Variants in PSEN2 observed in about 807,000 individuals in gnomAD.
The protein encoded by PSEN2 is presenilin-2.
In PSEN2, 32 loss-of-function variants were observed where a neutral mutation model predicts 49.1. The observed-to-expected ratio is 0.65, with a 90% CI of 0.49 to 0.88. The LOEUF is 0.88. Ranked by LOEUF, PSEN2 falls within the 40% of genes least tolerant of loss-of-function variation. The pLI is 0.00. For synonymous variants in PSEN2, 255 were observed against 244.0 expected (o/e 1.05, Z -0.42); for missense variants, 522 against 586.9 (o/e 0.89, Z 1.14).
intron 4 of PSEN2, 70 bp from the exon 5 acceptor site, chr1:226,883,619 CATTTCTGGTTCCAAAA>C: frequency 7.8e-7 from 1 of 1,290,040 alleles, no homozygotes; most frequent in Non-Finnish European, 1.1e-6. Flanking sequence ...TCAAACTTCT[CATTTCTGGTTCCAAAA>C]ATCCGTGCAT....
chr1:226,895,576 C>G lies in PSEN2; in HGVS notation c.1344C>G (p.Ile448Met). ...MDTLASHQLYI is the reference protein window; with the variant it reads ...MDTLASHQLYM ...CCCTGGCCTCCCATCAGCTCTACAT[C>G]TGAGGGACATGGTGTGCCACAGGCT... Residue 448 changes from isoleucine (I) to methionine (M), a missense_variant, in exon 13 of 13, where the codon ATC (isoleucine) becomes ATG (methionine). Transcript: ENST00000366783. 1 of 1,611,458 alleles carries G rather than the reference C, an allele frequency of 6.2e-7. No homozygotes were observed. Among genetic ancestry groups the G allele is most frequent in the Non-Finnish European group, 8.5e-7 (1 of 1,178,804 alleles).
chr1:226,874,214 G>A (rs1571933942), intron 2 of PSEN2, among the ~76,000 whole-genome samples: 1 of 151,912 alleles, frequency 6.6e-6, no homozygotes, highest in Admixed American at 6.6e-5. Flanking sequence ...TGTGTGGTGG[G>A]CCTGCCTGTG....
intron 4 of PSEN2, among the ~76,000 whole-genome samples, 156 bp from the exon 5 acceptor site, chr1:226,883,549 A>G (rs1423223308): frequency 6.6e-6 from 1 of 152,234 alleles, no homozygotes; most frequent in Non-Finnish European, 1.5e-5. Context: ...CTTTGTCCTC[A>G]CAAACTTTTC....
intron 8 of PSEN2, 56 bp from the exon 9 acceptor site, chr1:226,889,979 T>A (rs926401641): frequency 1.4e-6 from 2 of 1,413,754 alleles, no homozygotes; most frequent in Non-Finnish European, 2.0e-6. Context: ...CAGGGCAGGC[T>A]CTTCTTCAGG....
downstream of PSEN2, among the ~76,000 whole-genome samples, chr1:226,896,376 G>A (rs752119570): frequency 6.6e-6 from 1 of 152,212 alleles, no homozygotes; most frequent in Non-Finnish European, 1.5e-5. Context: ...CACAGACACT[G>A]CCAGGTGGTT....
At chr1:226,874,624 C>G (rs1462278538) in intron 2 of PSEN2, among the ~76,000 whole-genome samples, 1 of 152,214 alleles carries the variant, frequency 6.6e-6, no homozygotes, top group Non-Finnish European at 1.5e-5. Flanking sequence ...GCTACCGTGT[C>G]CTTTCTCACT....
At chr1:226,900,568 A>G (rs1233585861), downstream of PSEN2, among the ~76,000 whole-genome samples, 2 of 152,186 alleles carry the variant, frequency 1.3e-5, no homozygotes, top group African/African-American at 4.8e-5. Context: ...TCTTTCAGCT[A>G]CTTGAGAAAG....
chr1:226,877,853 G>A (rs1221953855), intron 3 of PSEN2, among the ~76,000 whole-genome samples: 1 of 152,316 alleles, frequency 6.6e-6, no homozygotes, highest in East Asian at 1.9e-4. Context: ...GACATGTCAG[G>A]TCTTGATGAG....
rs542761034 is a variant in PSEN2 at position 226,878,355 on chromosome 1, A to T, written c.-21+2805A>T. Among the ~76,000 whole-genome samples, 30 of 152,206 alleles carry T rather than the reference A, an allele frequency of 2.0e-4. No homozygotes were observed. The East Asian group carries it at 5.6e-3, about 28-fold the overall frequency. The stretch of plus-strand genomic sequence containing the variant: ...TCAGACAGGCATGAGCACCGCACCC[A>T]GCCCCAGGGAGCGTCTTATTAGTGG... On this transcript the variant is annotated intron_variant, in intron 3 of 12. Transcript: ENST00000366783.
chr1:226,888,735 T>C, intron 7 of PSEN2, 94 bp from the exon 8 acceptor site: 3 of 1,096,070 alleles, frequency 2.7e-6, no homozygotes, highest in Non-Finnish European at 4.2e-6. Context: ...GAAATGTTAG[T>C]AAAGAGGGCC....
intron 3 of PSEN2, among the ~76,000 whole-genome samples, chr1:226,876,160 C>T (rs1282106675): frequency 6.6e-6 from 1 of 152,072 alleles, no homozygotes; most frequent in African/African-American, 2.4e-5. Flanking sequence ...CTAATGTGGA[C>T]AGACACCTAG....
rs114263106 is a variant in PSEN2, at chr1:226,878,904, A to G, written c.-20-2984A>G. Among the ~76,000 whole-genome samples, 501 of 152,302 alleles carry G rather than the reference A, an allele frequency of 3.3e-3. 3 individuals are homozygous for G. The highest frequency in any genetic ancestry group is 0.012 in the African/African-American group (481 of 41,566). On this transcript the variant is annotated intron_variant, in intron 3 of 12. Transcript: ENST00000366783. ...TTTGTTGTGGTGCCCCTCTTTGAGT[A>G]AGAGTGAATTCCCCATTGCCAGAGT...
Position 226,888,963 on chromosome 1 carries a change from T to C in PSEN2, c.701T>C (p.Met234Thr), listed in dbSNP as rs1661552883. The change falls in exon 8 of 13, where the codon ATG becomes ACG. Residue 234 changes from methionine to threonine, a missense_variant. Transcript: ENST00000366783. The part of the protein sequence containing the change: ...PLVLQQAYLI[M>T]ISALMALVFI... ...GTGCTGCAGCAGGCCTACCTCATCATGATCAGTGCGCTCATGGCCCTAGTG... is the reference window on the plus strand; with the variant it reads ...GTGCTGCAGCAGGCCTACCTCATCACGATCAGTGCGCTCATGGCCCTAGTG... 1.9e-6 allele frequency: 3 copies of C among 1,614,070 alleles called. No individual in the cohort carries two copies. Among genetic ancestry groups the C allele is most frequent in the African/African-American group, 1.3e-5 (1 of 74,918 alleles).
intron 12 of PSEN2, among the ~76,000 whole-genome samples, chr1:226,902,205 G>A (rs1662340543): frequency 6.6e-6 from 1 of 152,156 alleles, no homozygotes; most frequent in African/African-American, 2.4e-5. Flanking sequence ...TCCTTGGCGT[G>A]CACAGTTCAC....
intron 12 of PSEN2, among the ~76,000 whole-genome samples, chr1:226,894,531 C>T (rs534201499): frequency 2.8e-4 from 43 of 152,350 alleles, no homozygotes; most frequent in Admixed American, 1.4e-3. Context: ...CCATGTTTTC[C>T]CCCTCCTCCA....
At position 226,895,551 on chromosome 1, in the gene PSEN2, C is replaced by T. The variant is rs1290745933; in HGVS notation, c.1319C>T (p.Thr440Ile). ...TDNLVRPFMD[T>I]LASHQLYI ...AACCTGGTGCGGCCGTTCATGGACA[C>T]CCTGGCCTCCCATCAGCTCTACATC... The change falls in exon 13 of 13, where the codon ACC (threonine) becomes ATC (isoleucine). Residue 440 changes from threonine to isoleucine, a missense_variant. Transcript: ENST00000366783. The T allele has an allele frequency of 1.9e-6, 3 of 1,613,430 alleles. No individual in the cohort carries two copies. Among genetic ancestry groups the T allele is most frequent in the Non-Finnish European group, 1.7e-6 (2 of 1,179,708 alleles).
intron 11 of PSEN2, 94 bp from the exon 12 acceptor site, chr1:226,893,913 G>A (rs1244518152): frequency 1.7e-5 from 19 of 1,119,616 alleles, no homozygotes; most frequent in Non-Finnish European, 2.6e-5. Flanking sequence ...GCTGGGCTGG[G>A]CAAGAGCAGC....
chr1:226,901,033 C>A (rs79200620), downstream of PSEN2, among the ~76,000 whole-genome samples: 1 of 152,142 alleles, frequency 6.6e-6, no homozygotes, highest in African/African-American at 2.4e-5. Flanking sequence ...TATAAGCCCA[C>A]GGTATGTGGT....
chr1:226,876,164 C>T (rs1660616831), intron 3 of PSEN2, among the ~76,000 whole-genome samples: 3 of 152,126 alleles, frequency 2.0e-5, no homozygotes, highest in Non-Finnish European at 4.4e-5. Context: ...TGTGGACAGA[C>T]ACCTAGCAGT....
Sources: allele counts gnomAD v4.1 joint callset (sites outside exome capture counted in the v4.1 genomes callset), GRCh38; gene constraint gnomAD v4.1.1; transcripts MANE v1.5; gene names NCBI Gene and HGNC (gene_info 2026-07-23, HGNC 2026-07-21).